The following PDGFC variants were observed in gnomAD, a reference collection of about 807,000 sequenced individuals.
PDGFC encodes platelet-derived growth factor C.
A neutral mutation model predicts 35.5 loss-of-function variants in PDGFC; 12 were observed. That is an observed-to-expected ratio of 0.34 (90% CI 0.22 to 0.55). PDGFC has a LOEUF of 0.55. Ranked by LOEUF, PDGFC falls within the 20% of genes least tolerant of loss-of-function variation. PDGFC has a pLI of 0.91. For synonymous variants in PDGFC, 159 were observed against 148.8 expected (o/e 1.07, Z -0.50); for missense variants, 322 against 412.4 (o/e 0.78, Z 1.90).
chr4:156,768,076 A>G, intron 4 of PDGFC, 86 bp from the exon 5 acceptor site: 6 of 799,752 alleles, frequency 7.5e-6, no homozygotes, highest in Non-Finnish European at 1.1e-5. Context: ...TCATAAAGAA[A>G]TCTTACGTTA....
At chr4:156,857,414 G>A (rs1373376397) in intron 1 of PDGFC, among the ~76,000 whole-genome samples, 1 of 152,090 alleles carries the variant, frequency 6.6e-6, no homozygotes, top group East Asian at 1.9e-4. Flanking sequence ...CTTAATTAAA[G>A]AAGGAGGAAA....
At chr4:156,800,259 AT>A (rs1379984195) in intron 3 of PDGFC, among the ~76,000 whole-genome samples, 1 of 152,138 alleles carries the variant, frequency 6.6e-6, no homozygotes, top group African/African-American at 2.4e-5. Context: ...AATTGATACA[AT>A]TAAGCATTTT....
intron 3 of PDGFC, among the ~76,000 whole-genome samples, chr4:156,802,884 T>C (rs1005298985): frequency 2.0e-5 from 3 of 152,170 alleles, no homozygotes; most frequent in African/African-American, 7.2e-5. Context: ...ACTTAGAGCA[T>C]TTTAAGTTAT....
chr4:156,855,463 T>C (rs1172006600), intron 1 of PDGFC, among the ~76,000 whole-genome samples: 1 of 152,228 alleles, frequency 6.6e-6, no homozygotes, highest in East Asian at 1.9e-4. Flanking sequence ...AGTTTGGCAG[T>C]TGTGGATTCT....
At chr4:156,872,036 C>T (rs1036390254) in intron 1 of PDGFC, among the ~76,000 whole-genome samples, 2 of 151,458 alleles carry the variant, frequency 1.3e-5, no homozygotes, top group Non-Finnish European at 2.9e-5. Flanking sequence ...AAAGAGCAAA[C>T]AACAACAACA....
intron 1 of PDGFC, among the ~76,000 whole-genome samples, chr4:156,933,842 G>A (rs774229646): frequency 7.9e-5 from 12 of 152,060 alleles, no homozygotes; most frequent in Non-Finnish European, 1.3e-4. Context: ...CATGTAAGAC[G>A]TGCCTTGCTT....
chr4:156,896,874 C>A (rs1037322202), intron 1 of PDGFC, among the ~76,000 whole-genome samples: 1 of 152,120 alleles, frequency 6.6e-6, no homozygotes, highest in African/African-American at 2.4e-5. Context: ...TGGAAATAGA[C>A]CCTTTTTGTT....
At chr4:156,953,238 C>G (rs1311601433) in intron 1 of PDGFC, among the ~76,000 whole-genome samples, 1 of 151,816 alleles carries the variant, frequency 6.6e-6, no homozygotes, top group Non-Finnish European at 1.5e-5. Flanking sequence ...TTCCAGTCAC[C>G]AATTGTTTTG....
intron 2 of PDGFC, among the ~76,000 whole-genome samples, chr4:156,834,952 T>C (rs79188591): frequency 0.062 from 9,487 of 152,014 alleles, 396 homozygotes; most frequent in Middle Eastern, 0.11. Context: ...AACAGCTTGA[T>C]AGATTTTTAA....
At chr4:156,877,132 T>C (rs753999429) in intron 1 of PDGFC, among the ~76,000 whole-genome samples, 46 of 152,206 alleles carry the variant, frequency 3.0e-4, no homozygotes, top group Non-Finnish European at 5.9e-4. Context: ...ATAATAAGTG[T>C]ATATATTTAT....
chr4:156,877,364 CT>C (rs1730139832), intron 1 of PDGFC, among the ~76,000 whole-genome samples: 2 of 152,166 alleles, frequency 1.3e-5, no homozygotes, highest in South Asian at 2.1e-4. Context: ...CAACATTGCT[CT>C]TCTTTAATCT....
chr4:156,952,017 T>A (rs1732095897), intron 1 of PDGFC, among the ~76,000 whole-genome samples: 2 of 151,878 alleles, frequency 1.3e-5, no homozygotes. Context: ...TTAGCTTATT[T>A]GGGATATAAA....
chr4:156,919,531 A>C lies in PDGFC; in HGVS notation c.118+51255T>G, dbSNP rs115157609. The stretch of plus-strand genomic sequence containing the variant: ...ATCATCCTCTTTATCAGACCTGCTT[A>C]TCAGATTTTCTATACCCTTCAAGCA... On this transcript the variant is annotated intron_variant, in intron 1 of 5. Transcript: ENST00000502773. 2.7e-3 allele frequency among the ~76,000 whole-genome samples: 416 copies of C among 152,204 alleles called. 1 individual carries two copies. The highest frequency in any genetic ancestry group is 9.2e-3 in the African/African-American group (383 of 41,534).
intron 4 of PDGFC, among the ~76,000 whole-genome samples, chr4:156,769,322 C>T (rs985636106): frequency 1.3e-5 from 2 of 151,706 alleles, no homozygotes; most frequent in Admixed American, 6.6e-5. Flanking sequence ...GAATCAAATG[C>T]TTATTTTCTT....
At chr4:156,873,713 A>G (rs1033252755) in intron 1 of PDGFC, among the ~76,000 whole-genome samples, 13 of 152,316 alleles carry the variant, frequency 8.5e-5, no homozygotes, top group African/African-American at 2.6e-4. Context: ...GTCCATGAAC[A>G]TGGCACCAGG....
chr4:156,945,775 T>C (rs1731933123), intron 1 of PDGFC, among the ~76,000 whole-genome samples: 1 of 151,992 alleles, frequency 6.6e-6, no homozygotes, highest in African/African-American at 2.4e-5. Flanking sequence ...CAGTTTAGTT[T>C]CAATTCTCTC....
At chr4:156,935,253 C>T (rs1228371155) in intron 1 of PDGFC, among the ~76,000 whole-genome samples, 1 of 152,156 alleles carries the variant, frequency 6.6e-6, no homozygotes, top group African/African-American at 2.4e-5. Context: ...GCCTTGGCCT[C>T]CCTAAGTGCT....
chr4:156,867,797 T>C (rs1482799777), intron 1 of PDGFC, among the ~76,000 whole-genome samples: 5 of 152,286 alleles, frequency 3.3e-5, no homozygotes, highest in African/African-American at 4.8e-5. Flanking sequence ...AACAAAGGAA[T>C]TGATCGGAGT....
At position 156,767,967 on chromosome 4, in the gene PDGFC, C is replaced by T. The variant is rs759551032; in HGVS notation, c.727G>A (p.Glu243Lys). 8 of 1,608,524 alleles carry T rather than the reference C, an allele frequency of 5.0e-6. No homozygotes were observed. The South Asian group carries it at 7.7e-5, about 15-fold the overall frequency. ...SRVVDLNLLT[E>K]EVRLYSCTPR... Reference sequence around the variant, plus strand: ...GTGCAGCTGTATAATCTTACCTCCTCTGTTAGAAGGTTCAGATCCACCACT... The same window carrying T: ...GTGCAGCTGTATAATCTTACCTCCTTTGTTAGAAGGTTCAGATCCACCACT... The change falls in exon 5 of 6, where the codon GAG (glutamate) becomes AAG (lysine). Residue 243 changes from glutamate (E) to lysine (K), a missense_variant. Physicochemically the swap from Glu to Lys is moderately conservative, Grantham distance 56. This residue lies in a region of PDGFC where 202 missense variants were observed against 295.9 expected (regional missense o/e 0.68). Transcript: ENST00000502773.
Sources: allele counts gnomAD v4.1 joint callset (sites outside exome capture counted in the v4.1 genomes callset), GRCh38; gene constraint gnomAD v4.1.1; regional missense constraint gnomAD v4.1.1; transcripts MANE v1.5; gene names NCBI Gene and HGNC (gene_info 2026-07-23, HGNC 2026-07-21).